Variants in OTOA observed in about 807,000 individuals in gnomAD.
The protein encoded by OTOA is otoancorin.
Under a neutral mutation model 110.8 loss-of-function variants are expected in OTOA, and 70 were observed. That is an observed-to-expected ratio of 0.63 (90% confidence interval 0.52 to 0.77). The LOEUF is 0.77. Among genes scored for constraint, OTOA ranks in the 30% least tolerant of loss-of-function variants. The pLI is 0.00. For missense variants in OTOA, 917 were observed against 1,075.8 expected, an observed-to-expected ratio of 0.85 and a Z score of 2.06; for synonymous variants, 373 against 431.5, an observed-to-expected ratio of 0.86 and a Z score of 1.68.
In OTOA at chr16:21,680,989, AG is replaced by A. The variant is rs1266581703; in HGVS notation, c.180-747del. Among the ~76,000 whole-genome samples the A allele has an allele frequency of 1.4e-4, 21 of 152,312 alleles. No individual in the cohort carries two copies. In the East Asian group the frequency reaches 2.5e-3, roughly 18 times the overall value. On this transcript the variant is annotated intron_variant, in intron 5 of 28. Coordinates refer to ENST00000646100, the MANE Select transcript of OTOA (RefSeq NM_144672.4). ...CCATATTTCATATAAAGGGAAACTG[AG>A]GCACAAGAAAATTTATCAAATTGTC...
At chr16:21,678,695 A>C in intron 2 of OTOA, 90 bp downstream of exon 2, 1 of 1,315,964 alleles carries the variant, frequency 7.6e-7, no homozygotes, top group Admixed American at 1.7e-5. Context: ...TGATGCTGTA[A>C]GTTGTTTTTG....
intron 13 of OTOA, among the ~76,000 whole-genome samples, chr16:21,713,711 AC>A (rs1898427503): frequency 6.6e-6 from 1 of 152,166 alleles, no homozygotes; most frequent in African/African-American, 2.4e-5. Context: ...TCCTGTGCTC[AC>A]TGTCTCCATT....
intron 10 of OTOA, among the ~76,000 whole-genome samples, chr16:21,698,771 C>T (rs1897993333): frequency 1.3e-5 from 2 of 152,122 alleles, no homozygotes; most frequent in Non-Finnish European, 2.9e-5. Context: ...CCGCACCCCA[C>T]TGCCATTTAC....
intron 17 of OTOA, among the ~76,000 whole-genome samples, chr16:21,720,896 C>CATTATTATTATTATT (rs57835405): frequency 0.15 from 22,229 of 147,084 alleles, 1,863 homozygotes; most frequent in Non-Finnish European, 0.18. Context: ...TACTAAAACA[C>CATTATTATTATTATT]ATTATTATTA....
intron 21 of OTOA, among the ~76,000 whole-genome samples, chr16:21,733,541 A>G (rs1899184374): frequency 6.6e-6 from 1 of 151,702 alleles, no homozygotes; most frequent in Non-Finnish European, 1.5e-5. Flanking sequence ...ATAGGCTGAG[A>G]GGCTTGCTCT....
At chr16:21,730,687 T>C in intron 20 of OTOA, 150 bp from the exon 21 acceptor site, 1 of 649,708 alleles carries the variant, frequency 1.5e-6, no homozygotes, top group Non-Finnish European at 2.9e-6. Context: ...CTGCATCACA[T>C]GCCAATTTTC....
At chr16:21,719,532 A>C in intron 17 of OTOA, 28 bp downstream of exon 17, 1 of 1,590,348 alleles carries the variant, frequency 6.3e-7, no homozygotes, top group Non-Finnish European at 8.6e-7. Flanking sequence ...TCCAGCTTCT[A>C]ATTCTCTCTC....
chr16:21,694,299 C>T (rs777424044), intron 9 of OTOA, among the ~76,000 whole-genome samples: 74 of 151,960 alleles, frequency 4.9e-4, no homozygotes, highest in Non-Finnish European at 9.0e-4. Flanking sequence ...AAAAAATAGC[C>T]GGTGTCCTGG....
At chr16:21,685,028 G>A (rs1489480026) in intron 6 of OTOA, among the ~76,000 whole-genome samples, 1 of 152,048 alleles carries the variant, frequency 6.6e-6, no homozygotes, top group East Asian at 1.9e-4. Flanking sequence ...GGGATTACAG[G>A]CATGAGCCAC....
chr16:21,664,369 G>C (rs1302815044), intron 1 of OTOA, 137 bp downstream of exon 1: 3 of 152,236 alleles, frequency 2.0e-5, no homozygotes, highest in Admixed American at 6.5e-5. Flanking sequence ...GAGAGAAAGA[G>C]GGTGGGCAAA....
At chr16:21,689,591 G>A (rs939395160) in intron 8 of OTOA, among the ~76,000 whole-genome samples, 61 of 152,144 alleles carry the variant, frequency 4.0e-4, no homozygotes, top group African/African-American at 1.5e-3. Context: ...GACTTCAGAC[G>A]CAGCTGGATC....
intron 17 of OTOA, among the ~76,000 whole-genome samples, chr16:21,720,576 G>C (rs1161914968): frequency 6.6e-6 from 1 of 152,142 alleles, no homozygotes; most frequent in African/African-American, 2.4e-5. Context: ...AGCATTGTGT[G>C]GAAGGCTGTA....
intron 10 of OTOA, among the ~76,000 whole-genome samples, chr16:21,700,264 G>T (rs768587545): frequency 1.3e-5 from 2 of 152,172 alleles, no homozygotes; most frequent in African/African-American, 2.4e-5. Flanking sequence ...AAAGCAGAAA[G>T]TTTGTGGACC....
At chr16:21,689,760 A>T (rs1343708607) in intron 8 of OTOA, among the ~76,000 whole-genome samples, 1 of 151,566 alleles carries the variant, frequency 6.6e-6, no homozygotes, top group Non-Finnish European at 1.5e-5. Flanking sequence ...ATCTCGGCTC[A>T]CTGCAACCTC....
intron 12 of OTOA, among the ~76,000 whole-genome samples, chr16:21,706,559 T>A (rs1156988874): frequency 4.6e-5 from 7 of 152,164 alleles, no homozygotes; most frequent in Admixed American, 3.9e-4. Flanking sequence ...CAAGACCAGA[T>A]GAGCAAACAC....
chr16:21,696,948 G>C (rs1465076807), intron 9 of OTOA, among the ~76,000 whole-genome samples: 2 of 115,824 alleles, frequency 1.7e-5, no homozygotes, highest in African/African-American at 6.9e-5. Context: ...GCCCAGGCTG[G>C]AGTGCAGTAG....
intron 5 of OTOA, among the ~76,000 whole-genome samples, chr16:21,680,348 C>T (rs978278494): frequency 6.6e-6 from 1 of 151,864 alleles, no homozygotes; most frequent in South Asian, 2.1e-4. Flanking sequence ...CCTGTCCCTA[C>T]TAAAAGTACA....
At chr16:21,705,038 G>A (rs1369057260) in intron 11 of OTOA, 131 bp from the exon 12 acceptor site, 1 of 1,441,768 alleles carries the variant, frequency 6.9e-7, no homozygotes, top group African/African-American at 1.4e-5. Flanking sequence ...GGATGTTCAG[G>A]TTATGTGACC....
chr16:21,670,438 A>G (rs1966847532), intron 1 of OTOA, among the ~76,000 whole-genome samples: 1 of 152,092 alleles, frequency 6.6e-6, no homozygotes, highest in East Asian at 1.9e-4. Flanking sequence ...GTCTCTGCTT[A>G]AATGTCACCT....
Sources: gnomAD v4.1 joint callset for allele counts (sites outside exome capture counted in the v4.1 genomes callset) on GRCh38, gnomAD v4.1.1 for gene constraint, MANE v1.5 for transcripts, NCBI Gene and HGNC (gene_info 2026-07-23, HGNC 2026-07-21) for gene names.